The following PMPCB variants were observed in gnomAD, a reference collection of about 807,000 sequenced individuals.
PMPCB encodes mitochondrial-processing peptidase subunit beta.
PMPCB carries 46 observed loss-of-function variants against 61.5 expected under a neutral mutation model. That is an observed-to-expected ratio of 0.75 (90% CI 0.59 to 0.96). PMPCB has a LOEUF of 0.96. Ranked by LOEUF, PMPCB falls within the 40% of genes least tolerant of loss-of-function variation. The pLI, the probability that PMPCB is intolerant of heterozygous loss-of-function variation, is 0.00. For synonymous variants in PMPCB, 191 were observed against 201.6 expected, an observed-to-expected ratio of 0.95 and a Z score of 0.44; for missense variants, 590 against 602.4, an observed-to-expected ratio of 0.98 and a Z score of 0.22.
intron 6 of PMPCB, among the ~76,000 whole-genome samples, chr7:103,305,310 G>C (rs984082590): frequency 6.6e-6 from 1 of 152,044 alleles, no homozygotes; most frequent in African/African-American, 2.4e-5. Flanking sequence ...CATGTTTGAA[G>C]CCAGTGAATG....
chr7:103,309,553 T>C (rs903425742), intron 8 of PMPCB, among the ~76,000 whole-genome samples: 2 of 152,158 alleles, frequency 1.3e-5, no homozygotes, highest in Non-Finnish European at 2.9e-5. Context: ...TGGGTATTTA[T>C]CTAGAGATGA....
rs1817627546 is a variant in PMPCB, at chr7:103,307,716, A to G, written c.849+8A>G. On this transcript the variant is annotated splice_region_variant and intron_variant, in intron 7 of 12. Coordinates refer to ENST00000249269, the MANE Select transcript of PMPCB (RefSeq NM_004279.3). ...AAATTCACAGGAAGTGAGGTAGGGC[A>G]AGCCTTCCAGCTAGTATTTAGCCTT... 2 of 1,479,732 alleles carry G rather than the reference A, an allele frequency of 1.4e-6. No homozygotes were observed. The highest frequency in any genetic ancestry group is 2.3e-5 in the East Asian group (1 of 44,226). The allele number at this position is 1,479,732 out of a possible 1,614,324, so 91.7% of individuals were successfully genotyped here. A position where few individuals can be genotyped will look rare whatever the true frequency, so the allele number is the denominator to read the frequency against.
chr7:103,330,297 T>A (rs148017118), downstream of PMPCB, among the ~76,000 whole-genome samples: 13 of 151,824 alleles, frequency 8.6e-5, no homozygotes, highest in South Asian at 2.1e-4. Flanking sequence ...ATTTTATTTT[T>A]TTTTTTGAGA....
chr7:103,326,112 G>A (rs1818690786), intron 12 of PMPCB, among the ~76,000 whole-genome samples: 1 of 152,046 alleles, frequency 6.6e-6, no homozygotes, highest in Non-Finnish European at 1.5e-5. Flanking sequence ...CCGAGGAGCT[G>A]GGATTACAGG....
At chr7:103,344,270 G>C in the PMPCB span, 2 of 476,928 alleles carry the variant, frequency 4.2e-6, no homozygotes, top group Non-Finnish European at 7.4e-6. Flanking sequence ...ACCTTTCTGG[G>C]GTGCTGGGGG....
At chr7:103,316,986 T>C (rs375269307), downstream of PMPCB, 14 of 1,613,718 alleles carry the variant, frequency 8.7e-6, no homozygotes, top group African/African-American at 1.9e-4. Context: ...CTCTTTCTCT[T>C]TTCTGATTTG....
At chr7:103,339,839 C>G in the PMPCB span, among the ~76,000 whole-genome samples, 38 of 151,092 alleles carry the variant, frequency 2.5e-4, no homozygotes, top group Admixed American at 1.5e-3. Context: ...GGTGACTCTT[C>G]CCACGCCCCT....
chr7:103,329,056 T>C, exon 13 of PMPCB: 1 of 1,175,606 alleles, frequency 8.5e-7, no homozygotes, highest in Non-Finnish European at 1.1e-6. Context: ...CGTCTAATTA[T>C]TTAAAATTTG....
At chr7:103,304,361 ATC>A (rs1491572255) in intron 5 of PMPCB, 48 bp from the exon 6 acceptor site, 19 of 1,032,558 alleles carry the variant, frequency 1.8e-5, no homozygotes, top group East Asian at 4.7e-5. Flanking sequence ...TTATGTGAAG[ATC>A]TGTTTTTTTT....
At chr7:103,320,830 C>A in intron 12 of PMPCB, 1 of 113,036 alleles carries the variant, frequency 8.8e-6, no homozygotes, top group Non-Finnish European at 1.7e-5. Context: ...CTCAGCATGT[C>A]TTTTTTTTTT....
In PMPCB at chr7:103,312,944, A is replaced by G. The variant is rs754426111; in HGVS notation, c.*673A>G. 6.2e-7 allele frequency: 1 copy of G among 1,605,566 alleles called. No homozygotes were observed. The highest frequency in any genetic ancestry group is 8.5e-7 in the Non-Finnish European group (1 of 1,177,992). On this transcript the variant is annotated 3_prime_UTR_variant, in exon 13 of 13. Transcript: ENST00000249269. ...ACAATCTATAAACGCTTAAGTCTGC[A>G]ACCTTGTATCGTTTCATGCAGTCCT...
At chr7:103,316,941 T>C, downstream of PMPCB, 1 of 1,614,138 alleles carries the variant, frequency 6.2e-7, no homozygotes, top group Non-Finnish European at 8.5e-7. Flanking sequence ...TTTCTCTGTG[T>C]TCTTAGATGC....
At chr7:103,314,905 C>T (rs1817961627), downstream of PMPCB, among the ~76,000 whole-genome samples, 2 of 152,142 alleles carry the variant, frequency 1.3e-5, no homozygotes, top group African/African-American at 4.8e-5. Flanking sequence ...TGGTGGCTCA[C>T]AAAACATGAA....
At chr7:103,346,211 C>T in the PMPCB span, among the ~76,000 whole-genome samples, 1 of 152,130 alleles carries the variant, frequency 6.6e-6, no homozygotes, top group East Asian at 1.9e-4. Flanking sequence ...CGGCTCACTG[C>T]AATCTCTGCC....
Position 103,312,618 on chromosome 7 carries a change from T to C in PMPCB, c.*347T>C. On this transcript the variant is annotated 3_prime_UTR_variant, in exon 13 of 13. Transcript: ENST00000249269. ...CAGCACTTGTTCTTGAGCAGCTTTC[T>C]TTGCTTTTACCATCTCGACAAGTTC... is the stretch of plus-strand genomic sequence containing the variant. 6.2e-6 allele frequency: 10 copies of C among 1,613,734 alleles called. No homozygotes were observed. Among genetic ancestry groups the C allele is most frequent in the Non-Finnish European group, 8.5e-6 (10 of 1,179,864 alleles).
intron 12 of PMPCB, chr7:103,324,854 T>C (rs1228310072): frequency 1.1e-5 from 2 of 179,602 alleles, no homozygotes; most frequent in Non-Finnish European, 2.3e-5. Flanking sequence ...TAGCAGCTGC[T>C]AGGCAGGCTA....
rs1456282350 is a variant in PMPCB at position 103,314,247 on chromosome 7, C to A, written c.*1976C>A. On this transcript the variant is annotated 3_prime_UTR_variant, in exon 13 of 13. Transcript: ENST00000249269. Reference sequence around the variant, plus strand: ...AGATGGAAGTGACATGGCAGTATTTCCTGCTGTTCTCCAGTTACTTCACAA... The same window carrying A: ...AGATGGAAGTGACATGGCAGTATTTACTGCTGTTCTCCAGTTACTTCACAA... 1.4e-5 allele frequency: 14 copies of A among 985,252 alleles called. No individual in the cohort carries two copies. The highest frequency in any genetic ancestry group is 1.7e-5 in the African/African-American group (1 of 57,240). 61.0% of individuals were successfully genotyped at this position (985,252 alleles called of 1,614,324 possible). A position where few individuals can be genotyped will look rare whatever the true frequency, so the allele number is the denominator to read the frequency against.
At chr7:103,324,982 A>C (rs961416093) in intron 12 of PMPCB, among the ~76,000 whole-genome samples, 1 of 152,148 alleles carries the variant, frequency 6.6e-6, no homozygotes, top group African/African-American at 2.4e-5. Context: ...ACTAATTTCC[A>C]CCTCATCACC....
Position 103,308,955 on chromosome 7 carries a change from C to A in PMPCB, c.853C>A (p.Arg285Ser), listed in dbSNP as rs771314986. 6.3e-7 allele frequency: 1 copy of A among 1,579,266 alleles called. No homozygotes were observed. Among genetic ancestry groups the A allele is most frequent in the Non-Finnish European group, 8.6e-7 (1 of 1,163,200 alleles). ...PPCKFTGSEI[R>S]VRDDKMPLAH... ...CCTCCTGCTTTATCTTAACTAGATT[C>A]GTGTGAGGGATGACAAGATGCCTTT... Residue 285 changes from arginine to serine, a missense_variant, in exon 8 of 13, where the codon CGT becomes AGT. Transcript: ENST00000249269.
Sources: gnomAD v4.1 joint callset for allele counts (sites outside exome capture counted in the v4.1 genomes callset) on GRCh38, gnomAD v4.1.1 for gene constraint, MANE v1.5 for transcripts, NCBI Gene and HGNC (gene_info 2026-07-23, HGNC 2026-07-21) for gene names.